The following H2AC8 variants were observed in gnomAD, a reference collection of about 807,000 sequenced individuals.
The protein encoded by H2AC8 is histone H2A type 1-B/E.
In H2AC8, 9 loss-of-function variants were observed where a neutral mutation model predicts 6.3. That is an observed-to-expected ratio of 1.43 (90% confidence interval 0.86 to 2.49). The LOEUF (loss-of-function observed/expected upper bound fraction) is 2.49, where lower values mean the gene tolerates loss of function less well. Among genes scored for constraint, H2AC8 ranks in the 30% most tolerant of loss-of-function variants. The pLI is 0.00. For missense variants in H2AC8, 141 were observed against 177.5 expected, an observed-to-expected ratio of 0.79 and a Z score of 1.17; for synonymous variants, 176 against 79.6, an observed-to-expected ratio of 2.21 and a Z score of -6.45.
chr6:26,216,930 C>G (rs565919024), upstream of H2AC8: 10 of 1,605,062 alleles, frequency 6.2e-6, no homozygotes, highest in Middle Eastern at 6.6e-4. Flanking sequence ...CATTCTTTTT[C>G]TTTATTCAGT....
In H2AC8 at chr6:26,217,091, C is replaced by CT. The variant is rs770491859; in HGVS notation, c.118dup (p.Tyr40LeufsTer36). On this transcript the variant is annotated frameshift_variant, in exon 1 of 1. Coordinates refer to ENST00000303910, the Ensembl canonical transcript of H2AC8. LOFTEE classifies it high-confidence loss of function. ...TGCACCGCCTCCTCCGCAAAGGCAA[C>CT]TACTCCGAACGAGTCGGGGCCGGCG... 1 of 1,614,206 alleles carries CT rather than the reference C, an allele frequency of 6.2e-7. No individual in the cohort carries two copies. Among genetic ancestry groups the CT allele is most frequent in the Non-Finnish European group, 8.5e-7 (1 of 1,180,048 alleles).
chr6:26,217,211 C>T, exon 1 of H2AC8: 2 of 1,614,226 alleles, frequency 1.2e-6, no homozygotes, highest in Non-Finnish European at 8.5e-7. Context: ...AGACCCGCAT[C>T]ATCCCGCGCC....
exon 1 of H2AC8, chr6:26,217,157 C>G: frequency 6.2e-7 from 1 of 1,614,130 alleles, no homozygotes; most frequent in Non-Finnish European, 8.5e-7. Flanking sequence ...ATCTGACGGC[C>G]GAGATCTTAG....
rs374669397 is a variant in H2AC8 at position 26,217,379 on chromosome 6, G to C, written c.*12G>C. ...CCAAGGGCAAGTGAAATGATTACTAGTCAAATCCGTCAGTGATCCCGAGTC... is the reference window on the plus strand; with the variant it reads ...CCAAGGGCAAGTGAAATGATTACTACTCAAATCCGTCAGTGATCCCGAGTC... On this transcript the variant is annotated 3_prime_UTR_variant, in exon 1 of 1. Coordinates refer to ENST00000303910, the Ensembl canonical transcript of H2AC8. 1.2e-4 allele frequency: 190 copies of C among 1,603,236 alleles called. 1 individual carries two copies. In the Admixed American group the frequency reaches 1.9e-3, roughly 16 times the overall value.
exon 1 of H2AC8, chr6:26,217,112 C>T (rs1345982684): frequency 6.2e-7 from 1 of 1,614,152 alleles, no homozygotes; most frequent in Non-Finnish European, 8.5e-7. Context: ...GAGTCGGGGC[C>T]GGCGCTCCAG....
At chr6:26,217,139 G>A in exon 1 of H2AC8, 6 of 1,614,202 alleles carry the variant, frequency 3.7e-6, no homozygotes, top group Non-Finnish European at 5.1e-6. Context: ...TGGCAGCGGT[G>A]CTGGAATATC....
exon 1 of H2AC8, chr6:26,217,432 C>T (rs1765438414): frequency 2.0e-6 from 3 of 1,537,258 alleles, no homozygotes; most frequent in South Asian, 2.4e-5. Context: ...TTTTCAGAGC[C>T]ACCCACCTTT....
exon 1 of H2AC8, chr6:26,217,153 C>T (rs1765429716): frequency 1.9e-6 from 3 of 1,614,204 alleles, no homozygotes; most frequent in East Asian, 2.2e-5. Context: ...GAATATCTGA[C>T]GGCCGAGATC....
At chr6:26,217,111 C>G in exon 1 of H2AC8, 1 of 1,614,206 alleles carries the variant, frequency 6.2e-7, no homozygotes, top group Middle Eastern at 1.6e-4. Context: ...CGAGTCGGGG[C>G]CGGCGCTCCA....
chr6:26,217,009 G>A (rs1354955244), exon 1 of H2AC8: 5 of 1,614,140 alleles, frequency 3.1e-6, no homozygotes, highest in Non-Finnish European at 4.2e-6. Flanking sequence ...GGCAAAGCTC[G>A]GGCAAAAGCT....
exon 1 of H2AC8, chr6:26,217,340 G>A: frequency 6.2e-7 from 1 of 1,614,144 alleles, no homozygotes; most frequent in Non-Finnish European, 8.5e-7. Context: ...AGAAGACGGA[G>A]AGCCACCATA....
At chr6:26,217,011 G>A (rs1249830507) in exon 1 of H2AC8, 2 of 1,614,084 alleles carry the variant, frequency 1.2e-6, no homozygotes, top group Non-Finnish European at 1.7e-6. Flanking sequence ...CAAAGCTCGG[G>A]CAAAAGCTAA....
Position 26,217,227 on chromosome 6 carries a change from C to T in H2AC8, c.253C>T (p.Gln85Ter), listed in dbSNP as rs1186018701. The change falls in exon 1 of 1, where the codon CAG (glutamine) becomes TAG (stop). Residue 85 changes from glutamine (Q) to a stop codon, truncating the protein, a stop_gained. Coordinates refer to ENST00000303910, the Ensembl canonical transcript of H2AC8. LOFTEE classifies it high-confidence loss of function. ...GACCCGCATCATCCCGCGCCACCTG[C>T]AGCTAGCCATCCGCAACGACGAGGA... 3 of 1,614,108 alleles carry T rather than the reference C, an allele frequency of 1.9e-6. No individual in the cohort carries two copies. Among genetic ancestry groups the T allele is most frequent in the Non-Finnish European group, 2.5e-6 (3 of 1,180,056 alleles).
chr6:26,216,950 G>C (rs774553970), upstream of H2AC8: 26 of 1,613,088 alleles, frequency 1.6e-5, no homozygotes, highest in South Asian at 3.3e-5. Context: ...TGGATTGTTA[G>C]TTCTTCTGCT....
chr6:26,216,936 T>A (rs1292531126), upstream of H2AC8: 1 of 1,609,994 alleles, frequency 6.2e-7, no homozygotes, highest in African/African-American at 1.3e-5. Context: ...TTTTCTTTAT[T>A]CAGTGGATTG....
chr6:26,217,214 C>G, exon 1 of H2AC8: 2 of 1,614,200 alleles, frequency 1.2e-6, no homozygotes, highest in Non-Finnish European at 1.7e-6. Context: ...CCCGCATCAT[C>G]CCGCGCCACC....
chr6:26,216,934 A>G (rs757948475), upstream of H2AC8: 8 of 1,607,854 alleles, frequency 5.0e-6, no homozygotes, highest in South Asian at 1.1e-5. Context: ...CTTTTTCTTT[A>G]TTCAGTGGAT....
At position 26,217,109 on chromosome 6, in the gene H2AC8, G is replaced by A. The variant is rs967289680; in HGVS notation, c.135G>A (p.Gly45=). ...AAGGCAACTACTCCGAACGAGTCGG[G>A]GCCGGCGCTCCAGTGTACCTGGCAG... The change falls in exon 1 of 1, where the codon GGG becomes GGA. Residue 45 remains glycine, a synonymous_variant. Coordinates refer to ENST00000303910, the Ensembl canonical transcript of H2AC8. 5.0e-6 allele frequency: 8 copies of A among 1,614,072 alleles called. No individual in the cohort carries two copies. In the African/African-American group the frequency reaches 6.7e-5, roughly 13 times the overall value.
At chr6:26,217,372 A>T (rs755559836) in exon 1 of H2AC8, 2 of 1,609,582 alleles carry the variant, frequency 1.2e-6, no homozygotes, top group East Asian at 4.5e-5. Flanking sequence ...AAGTGAAATG[A>T]TTACTAGTCA....
Sources: allele counts gnomAD v4.1 joint callset, GRCh38; gene constraint gnomAD v4.1.1; transcripts MANE v1.5; gene names NCBI Gene and HGNC (gene_info 2026-07-23, HGNC 2026-07-21).